Variants in RNF4 observed in about 807,000 individuals in gnomAD.
RNF4 encodes ring finger protein 4, also known as E3 ubiquitin-protein ligase RNF4.
In RNF4, 7 loss-of-function variants were observed where a neutral mutation model predicts 24.3. The ratio of observed to expected loss-of-function variants is 0.29; its 90% confidence interval spans 0.16 to 0.54. The LOEUF is 0.54. RNF4 is among the 20% of genes least tolerant of loss of function. RNF4 has a pLI of 0.95. For synonymous variants in RNF4, 83 were observed against 84.3 expected (o/e 0.98, Z 0.09); for missense variants, 209 against 248.5 (o/e 0.84, Z 1.07).
intron 7 of RNF4, among the ~76,000 whole-genome samples, chr4:2,513,432 C>T (rs1206947266): frequency 1.3e-5 from 2 of 152,186 alleles, no homozygotes; most frequent in Non-Finnish European, 2.9e-5. Flanking sequence ...TTACTGGGGT[C>T]CCTCATAACC....
chr4:2,496,681 G>T (rs920160735), intron 2 of RNF4, among the ~76,000 whole-genome samples: 1 of 152,034 alleles, frequency 6.6e-6, no homozygotes, highest in Non-Finnish European at 1.5e-5. Flanking sequence ...GGCTGACCTT[G>T]AACTCCTCAC....
At chr4:2,486,825 G>T (rs978549648) in intron 1 of RNF4, among the ~76,000 whole-genome samples, 1 of 152,214 alleles carries the variant, frequency 6.6e-6, no homozygotes, top group Admixed American at 6.5e-5. Context: ...TCCTTTGTCA[G>T]TAGCTTCTCT....
chr4:2,487,564 G>A (rs577956874), intron 1 of RNF4, among the ~76,000 whole-genome samples: 2 of 152,326 alleles, frequency 1.3e-5, no homozygotes, highest in South Asian at 4.1e-4. Flanking sequence ...GGGATTACAG[G>A]CATGAGCCAC....
At chr4:2,496,095 C>T (rs940200333) in intron 2 of RNF4, among the ~76,000 whole-genome samples, 8 of 152,300 alleles carry the variant, frequency 5.3e-5, no homozygotes, top group Admixed American at 2.0e-4. Flanking sequence ...CTGAACTTTC[C>T]GGAAGACATG....
chr4:2,472,306 A>G (rs1323255057), intron 1 of RNF4, among the ~76,000 whole-genome samples: 1 of 152,244 alleles, frequency 6.6e-6, no homozygotes. Context: ...TCTACAGCTC[A>G]GAAAAAAAGA....
At chr4:2,483,587 T>G (rs1374785280) in intron 1 of RNF4, among the ~76,000 whole-genome samples, 2 of 152,072 alleles carry the variant, frequency 1.3e-5, no homozygotes, top group Non-Finnish European at 2.9e-5. Flanking sequence ...GCAGATCACT[T>G]GAGGTCAGGA....
In RNF4 at chr4:2,498,329, G is replaced by A. The variant is rs532067169; in HGVS notation, c.124+1208G>A. 8.6e-5 allele frequency among the ~76,000 whole-genome samples: 13 copies of A among 151,914 alleles called. No individual in the cohort carries two copies. The South Asian group carries it at 1.5e-3, about 17-fold the overall frequency. The stretch of plus-strand genomic sequence containing the variant: ...TTCCCAAGTAGCTGGGATCATAGGC[G>A]CCCACCACCACACCCGGCTAAATTT... On this transcript the variant is annotated intron_variant, in intron 3 of 7. Transcript: ENST00000314289.
chr4:2,475,274 T>C (rs1406868191), intron 1 of RNF4, among the ~76,000 whole-genome samples: 1 of 152,208 alleles, frequency 6.6e-6, no homozygotes, highest in Admixed American at 6.5e-5. Context: ...CAAGAGATCC[T>C]CTCACCTCAG....
At chr4:2,499,325 C>T (rs555466142) in intron 3 of RNF4, 30 of 449,172 alleles carry the variant, frequency 6.7e-5, no homozygotes, top group South Asian at 4.2e-4. Context: ...GAGTTTTGCT[C>T]TTGTTGCCCA....
chr4:2,480,272 CTT>C (rs34449919), intron 1 of RNF4: 58 of 131,218 alleles, frequency 4.4e-4, no homozygotes, highest in African/African-American at 5.9e-4. Flanking sequence ...TTCATTCATT[CTT>C]TTTTTTTTTT....
intron 1 of RNF4, among the ~76,000 whole-genome samples, chr4:2,483,009 G>A (rs923617945): frequency 2.6e-5 from 4 of 152,172 alleles, no homozygotes; most frequent in Non-Finnish European, 5.9e-5. Context: ...CTGGGGTGAA[G>A]GTTTGTTTTG....
At chr4:2,475,590 A>C (rs541264078) in intron 1 of RNF4, among the ~76,000 whole-genome samples, 4 of 152,128 alleles carry the variant, frequency 2.6e-5, no homozygotes, top group African/African-American at 9.7e-5. Context: ...CACCCGCCTC[A>C]GCCTCCCAAA....
intron 1 of RNF4, among the ~76,000 whole-genome samples, chr4:2,476,435 C>T (rs1467642300): frequency 6.6e-6 from 1 of 152,174 alleles, no homozygotes; most frequent in Non-Finnish European, 1.5e-5. Context: ...TGCTCTGTCA[C>T]CCAGGCTGGA....
chr4:2,493,584 A>G lies in RNF4; in HGVS notation c.9+3082A>G, dbSNP rs956585259. Among the ~76,000 whole-genome samples the G allele has an allele frequency of 4.0e-5, 6 of 151,868 alleles. 1 individual carries two copies. Among genetic ancestry groups the G allele is most frequent in the Admixed American group, 2.0e-4 (3 of 15,232 alleles). ...TGGTGAAACCCCGTTTCCACTAAAA[A>G]TACAAAAAAATTAGCTAAGCACAGT... is the stretch of plus-strand genomic sequence containing the variant. On this transcript the variant is annotated intron_variant, in intron 2 of 7. Coordinates refer to ENST00000314289, the MANE Select transcript of RNF4 (RefSeq NM_002938.5).
chr4:2,495,775 G>T (rs147526792), intron 2 of RNF4, among the ~76,000 whole-genome samples: 1 of 152,300 alleles, frequency 6.6e-6, no homozygotes, highest in African/African-American at 2.4e-5. Flanking sequence ...TGGGATTACA[G>T]GCATGTGCCA....
chr4:2,473,527 G>A (rs990602088), intron 1 of RNF4, among the ~76,000 whole-genome samples: 1 of 151,630 alleles, frequency 6.6e-6, no homozygotes, highest in African/African-American at 2.4e-5. Context: ...TAGAAGTAGA[G>A]CCTGGCCGGG....
intron 4 of RNF4, among the ~76,000 whole-genome samples, chr4:2,504,818 C>T (rs181219795): frequency 2.7e-5 from 4 of 149,686 alleles, no homozygotes; most frequent in Admixed American, 6.7e-5. Flanking sequence ...AGTTCACCTC[C>T]GCCTCCCGGG....
At chr4:2,510,541 C>A (rs931731301) in intron 4 of RNF4, among the ~76,000 whole-genome samples, 23 of 152,220 alleles carry the variant, frequency 1.5e-4, no homozygotes, top group African/African-American at 5.5e-4. Flanking sequence ...CTCAGCAGCT[C>A]AAATCGGCCT....
At position 2,469,230 on chromosome 4, in the gene RNF4, G is replaced by A. The variant is rs777774020; in HGVS notation, c.-186G>A. The A allele has an allele frequency of 4.6e-5, 7 of 152,260 alleles. No individual in the cohort carries two copies. Among genetic ancestry groups the A allele is most frequent in the African/African-American group, 1.7e-4 (7 of 41,464 alleles). The allele number at this position is 152,260 out of a possible 1,614,324, so 9.4% of individuals were successfully genotyped here. A position where few individuals can be genotyped will look rare whatever the true frequency, so the allele number is the denominator to read the frequency against. ...CGCCTGCGGACCTAACTAGCTCCAG[G>A]TTAGGCCGAGCTTTGCGGGAAAGCA... is the stretch of plus-strand genomic sequence containing the variant. On this transcript the variant is annotated 5_prime_UTR_variant, in exon 1 of 8. Transcript: ENST00000314289.
Sources: gnomAD v4.1 joint callset for allele counts (sites outside exome capture counted in the v4.1 genomes callset) on GRCh38, gnomAD v4.1.1 for gene constraint, MANE v1.5 for transcripts, NCBI Gene and HGNC (gene_info 2026-07-23, HGNC 2026-07-21) for gene names.